ZSWIM5: variants seen among roughly 807,000 people sequenced by gnomAD.
ZSWIM5 encodes the protein zinc finger SWIM-type containing 5.
ZSWIM5 carries 55 observed loss-of-function variants against 119.6 expected under a neutral mutation model. The observed-to-expected ratio is 0.46, with a 90% CI of 0.37 to 0.58. The LOEUF is 0.58. ZSWIM5 is among the 20% of genes least tolerant of loss of function. The pLI is 0.00. For missense variants in ZSWIM5, 1,193 were observed against 1,512.8 expected (o/e 0.79, Z 3.51); for synonymous variants, 537 against 606.9 (o/e 0.88, Z 1.69).
At chr1:45,021,785 T>C (rs1446341706) in intron 11 of ZSWIM5, among the ~76,000 whole-genome samples, 1 of 152,030 alleles carries the variant, frequency 6.6e-6, no homozygotes, top group Non-Finnish European at 1.5e-5. Context: ...TTTGGGAGGC[T>C]GAGGTGGGTG....
At chr1:45,098,878 C>T (rs979462755) in intron 1 of ZSWIM5, among the ~76,000 whole-genome samples, 2 of 152,214 alleles carry the variant, frequency 1.3e-5, no homozygotes, top group African/African-American at 4.8e-5. Flanking sequence ...ATACGAGAAT[C>T]TCTGGGACAC....
At chr1:45,159,138 A>G (rs1162152264) in intron 1 of ZSWIM5, among the ~76,000 whole-genome samples, 1 of 152,166 alleles carries the variant, frequency 6.6e-6, no homozygotes. Context: ...CAATAACTTC[A>G]GCATGTTAAT....
intron 1 of ZSWIM5, among the ~76,000 whole-genome samples, chr1:45,161,489 C>T (rs1027228479): frequency 2.6e-5 from 4 of 152,052 alleles, no homozygotes; most frequent in Non-Finnish European, 5.9e-5. Flanking sequence ...ATTTGATGTG[C>T]ACTTCCCTGA....
intron 2 of ZSWIM5, chr1:45,070,091 T>C (rs1645212266): frequency 1.0e-6 from 1 of 959,610 alleles, no homozygotes; most frequent in Non-Finnish European, 1.7e-6. Context: ...TATTGAGTTT[T>C]GGGATATTTG....
intron 2 of ZSWIM5, among the ~76,000 whole-genome samples, chr1:45,087,468 TC>T: frequency 6.6e-6 from 1 of 152,332 alleles, no homozygotes; most frequent in South Asian, 2.1e-4. Flanking sequence ...TTAGGATAAC[TC>T]TGATGCTAAT....
intron 1 of ZSWIM5, among the ~76,000 whole-genome samples, chr1:45,197,197 A>T (rs1646131955): frequency 1.3e-5 from 2 of 152,202 alleles, no homozygotes; most frequent in African/African-American, 2.4e-5. Context: ...GTTCTCTGGA[A>T]TGCACCTTTG....
intron 11 of ZSWIM5, among the ~76,000 whole-genome samples, chr1:45,021,017 C>G (rs1188514748): frequency 6.6e-6 from 1 of 151,864 alleles, no homozygotes; most frequent in Non-Finnish European, 1.5e-5. Context: ...CTGTCTCTAC[C>G]TAATACCCTC....
At chr1:45,130,904 AC>A (rs1557775133) in intron 1 of ZSWIM5, among the ~76,000 whole-genome samples, 1 of 152,232 alleles carries the variant, frequency 6.6e-6, no homozygotes, top group African/African-American at 2.4e-5. Flanking sequence ...CAATAAAAAA[AC>A]ATGCAATTGA....
At chr1:45,127,611 AT>A (rs1186017884) in intron 1 of ZSWIM5, among the ~76,000 whole-genome samples, 5 of 148,400 alleles carry the variant, frequency 3.4e-5, no homozygotes, top group East Asian at 2.0e-4. Context: ...AAAAAAAAAA[AT>A]TTTTTTTTTA....
chr1:45,085,524 G>GTTTTTT lies in ZSWIM5; in HGVS notation c.952+2356_952+2357insAAAAAA, dbSNP rs1387910637. On this transcript the variant is annotated intron_variant, in intron 2 of 13. Transcript: ENST00000359600. ...ATAAGTTCTAGTTTTAGGTTAGTTT[G>GTTTTTT]TTTGTTTTTTTTTTTTTTTTTTTGC... 1.4e-3 allele frequency among the ~76,000 whole-genome samples: 185 copies of GTTTTTT among 128,898 alleles called. 2 individuals are homozygous for GTTTTTT. Among genetic ancestry groups the GTTTTTT allele is most frequent in the African/African-American group, 5.2e-3 (179 of 34,598 alleles). The allele number at this position is 128,898 out of a possible 152,430, so 84.6% of individuals were successfully genotyped here. A position where few individuals can be genotyped will look rare whatever the true frequency, so the allele number is the denominator to read the frequency against.
intron 2 of ZSWIM5, among the ~76,000 whole-genome samples, chr1:45,063,249 A>C (rs947397263): frequency 6.6e-6 from 1 of 152,048 alleles, no homozygotes; most frequent in African/African-American, 2.4e-5. Context: ...GGTTGATTCC[A>C]CGTCTTTGCT....
intron 1 of ZSWIM5, among the ~76,000 whole-genome samples, chr1:45,178,866 T>A (rs979279044): frequency 2.0e-5 from 3 of 152,058 alleles, no homozygotes; most frequent in Admixed American, 6.6e-5. Context: ...CTGGCATTCA[T>A]TGTAGATTAA....
Position 45,036,112 on chromosome 1 carries a change from G to A in ZSWIM5, c.2082C>T (p.Ser694=). The A allele has an allele frequency of 6.2e-7, 1 of 1,614,134 alleles. No homozygotes were observed. Among genetic ancestry groups the A allele is most frequent in the Non-Finnish European group, 8.5e-7 (1 of 1,180,022 alleles). ...CGTCCAGCTGCAGCTCTTGGAGTTG[G>A]CTCAGGAGCTGCTCCTCATTACGGC... ...KVCRNEEQLL[S]QLQELQLDDE... Residue 694 remains serine (S), a synonymous_variant, in exon 9 of 14, where the codon AGC becomes AGT. Transcript: ENST00000359600.
At chr1:45,055,809 T>A (rs1251984284) in intron 4 of ZSWIM5, among the ~76,000 whole-genome samples, 1 of 152,122 alleles carries the variant, frequency 6.6e-6, no homozygotes, top group Non-Finnish European at 1.5e-5. Context: ...CCAGTGGGTA[T>A]GCAGTTATGG....
chr1:45,032,082 A>G (rs1300014410), intron 11 of ZSWIM5, among the ~76,000 whole-genome samples: 1 of 152,072 alleles, frequency 6.6e-6, no homozygotes, highest in East Asian at 1.9e-4. Flanking sequence ...TCTTTTTATT[A>G]TCGAATTCTA....
intron 8 of ZSWIM5, 140 bp downstream of exon 8, chr1:45,038,796 A>T: frequency 1.0e-6 from 1 of 973,690 alleles, no homozygotes; most frequent in Non-Finnish European, 1.5e-6. Flanking sequence ...GGGTTTTGCC[A>T]TGTTGCCCAG....
intron 1 of ZSWIM5, among the ~76,000 whole-genome samples, chr1:45,181,059 C>A (rs1305139136): frequency 6.6e-6 from 1 of 152,098 alleles, no homozygotes; most frequent in African/African-American, 2.4e-5. Context: ...AGCTCCTCAC[C>A]AGCAACAGAA....
intron 1 of ZSWIM5, among the ~76,000 whole-genome samples, chr1:45,144,696 C>T (rs1048952223): frequency 6.6e-6 from 1 of 152,090 alleles, no homozygotes; most frequent in Non-Finnish European, 1.5e-5. Flanking sequence ...ACATTTTGTA[C>T]AAAAATGTTT....
chr1:45,173,034 G>A (rs553901003), intron 1 of ZSWIM5, among the ~76,000 whole-genome samples: 2 of 152,134 alleles, frequency 1.3e-5, no homozygotes, highest in East Asian at 3.9e-4. Context: ...GCATGGTGGT[G>A]TGTGCCTGTG....
Sources: allele counts gnomAD v4.1 joint callset (sites outside exome capture counted in the v4.1 genomes callset), GRCh38; gene constraint gnomAD v4.1.1; transcripts MANE v1.5; gene names NCBI Gene and HGNC (gene_info 2026-07-23, HGNC 2026-07-21).